CCL14: variants seen among roughly 807,000 people sequenced by gnomAD.
The protein encoded by CCL14 is C-C motif chemokine 14.
CCL14 carries 8 observed loss-of-function variants against 8.2 expected under a neutral mutation model. The ratio of observed to expected loss-of-function variants is 0.98; its 90% CI spans 0.57 to 1.76. The LOEUF is 1.76. CCL14 is among the 40% of genes most tolerant of loss of function. CCL14 has a pLI of 0.00. For missense variants in CCL14, 127 were observed against 118.3 expected (o/e 1.07, Z -0.34); for synonymous variants, 50 against 43.2 (o/e 1.16, Z -0.62).
rs1441754088 is a variant in CCL14 at position 35,985,751 on chromosome 17, C to T, written c.79+820G>A. On this transcript the variant is annotated intron_variant, in intron 1 of 2. Transcript: ENST00000618404. ...GCAAGTCAAACTGTGCACATACCCA[C>T]CAACTTTAGCTGTATTTTAACAACC... The T allele has an allele frequency of 1.3e-6, 2 of 1,551,398 alleles. No individual in the cohort carries two copies. Among genetic ancestry groups the T allele is most frequent in the African/African-American group, 2.7e-5 (2 of 73,044 alleles).
Position 35,984,356 on chromosome 17 carries a change from C to T in CCL14, c.176G>A (p.Cys59Tyr), listed in dbSNP as rs375335603. ...IMDYYETNSQ[C>Y]SKPGIVFITK... is the part of the protein sequence containing the mutation. ...CACCTACACAATTCCGGGCTTGGAGCACTGGCTGTTGGTCTCATAGTAATC... is the reference window on the plus strand; with the variant it reads ...CACCTACACAATTCCGGGCTTGGAGTACTGGCTGTTGGTCTCATAGTAATC... The change falls in exon 2 of 3, where the codon TGC (cysteine) becomes TAC (tyrosine). Residue 59 changes from cysteine to tyrosine, a missense_variant. Coordinates refer to ENST00000618404, the MANE Select transcript of CCL14 (RefSeq NM_032963.4). The T allele has an allele frequency of 2.0e-5, 32 of 1,613,106 alleles. No homozygotes were observed. The highest frequency in any genetic ancestry group is 2.5e-5 in the Non-Finnish European group (29 of 1,179,342).
intron 1 of CCL14, chr17:35,986,164 G>T (rs2089764450): frequency 5.4e-6 from 2 of 368,472 alleles, no homozygotes; most frequent in Non-Finnish European, 9.7e-6. Context: ...GAGGGCAAGG[G>T]GGGACTGGTC....
Position 35,986,693 on chromosome 17 carries a change from C to A in CCL14, c.-44G>T. On this transcript the variant is annotated 5_prime_UTR_variant, in exon 1 of 3. Coordinates refer to ENST00000618404, the MANE Select transcript of CCL14 (RefSeq NM_032963.4). ...GGGAGGAGAGCTGGCCTGGTGGGAGCTTCAGAGGCTCCTGCGGTGAGGAAT... is the reference window on the plus strand; with the variant it reads ...GGGAGGAGAGCTGGCCTGGTGGGAGATTCAGAGGCTCCTGCGGTGAGGAAT... 1.4e-6 allele frequency: 2 copies of A among 1,410,098 alleles called. No individual in the cohort carries two copies. Among genetic ancestry groups the A allele is most frequent in the Non-Finnish European group, 2.0e-6 (2 of 994,626 alleles). The allele number at this position is 1,410,098 out of a possible 1,614,324, so 87.3% of individuals were successfully genotyped here.
intron 1 of CCL14, chr17:35,986,059 T>G: frequency 2.0e-6 from 1 of 505,340 alleles, no homozygotes; most frequent in South Asian, 3.2e-5. Flanking sequence ...CCTGAGGAAA[T>G]ATACCCCAAA....
intron 1 of CCL14, chr17:35,984,740 C>T: frequency 1.8e-6 from 1 of 541,530 alleles, no homozygotes; most frequent in South Asian, 3.0e-5. Flanking sequence ...GCAGCACACT[C>T]AGATCTTCTT....
At chr17:35,984,312 C>A (rs768680560) in intron 2 of CCL14, 26 bp downstream of exon 2, 3 of 1,521,302 alleles carry the variant, frequency 2.0e-6, no homozygotes, top group African/African-American at 1.4e-5. Flanking sequence ...CCTCTCCCCC[C>A]AGTGTGATGT....
At position 35,984,424 on chromosome 17, in the gene CCL14, G is replaced by A. The variant is rs572762228; in HGVS notation, c.108C>T (p.Cys36=). The change falls in exon 2 of 3, where the codon TGC becomes TGT. Residue 36 remains cysteine, a synonymous_variant. Transcript: ENST00000618404. The part of the protein sequence containing the change: ...SRGPYHPSEC[C]FTYTTYKIPR... ...GGATCTTGTAGGTAGTGTAGGTGAAGCAGCACTCTGAGGGGTGGTAAGGTC... is the reference window on the plus strand; with the variant it reads ...GGATCTTGTAGGTAGTGTAGGTGAAACAGCACTCTGAGGGGTGGTAAGGTC... The A allele has an allele frequency of 1.2e-6, 2 of 1,613,312 alleles. No homozygotes were observed. Among genetic ancestry groups the A allele is most frequent in the African/African-American group, 2.7e-5 (2 of 74,978 alleles).
At chr17:35,985,683 C>T in intron 1 of CCL14, 1 of 1,410,106 alleles carries the variant, frequency 7.1e-7, no homozygotes, top group Non-Finnish European at 9.8e-7. Flanking sequence ...CTCCTATACT[C>T]TCCCACCTTG....
intron 1 of CCL14, 147 bp downstream of exon 1, chr17:35,986,424 T>C (rs1454859451): frequency 3.1e-6 from 2 of 648,364 alleles, no homozygotes; most frequent in South Asian, 1.9e-5. Context: ...AATTCATTTA[T>C]ATAATGTTGC....
chr17:35,984,585 A>G (rs767642183), intron 1 of CCL14, 133 bp from the exon 2 acceptor site: 28 of 652,332 alleles, frequency 4.3e-5, no homozygotes, highest in Non-Finnish European at 1.9e-5. Context: ...AGGGGAGAGT[A>G]GGCTTTCCTC....
At chr17:35,984,135 TC>T (rs779569191) in intron 2 of CCL14, among the ~76,000 whole-genome samples, 23 of 151,562 alleles carry the variant, frequency 1.5e-4, no homozygotes, top group Non-Finnish European at 2.7e-4. Context: ...CTCTGTCATC[TC>T]CCCATCCATG....
At chr17:35,984,933 C>G (rs1239681025) in intron 1 of CCL14, 1 of 211,546 alleles carries the variant, frequency 4.7e-6, no homozygotes, top group Non-Finnish European at 9.3e-6. Flanking sequence ...CTCCACCCTG[C>G]CCATGTCCCC....
rs960427631 is a variant in CCL14 at position 35,984,398 on chromosome 17, G to A, written c.134C>T (p.Pro45Leu). 27 of 1,613,752 alleles carry A rather than the reference G, an allele frequency of 1.7e-5. No homozygotes were observed. The highest frequency in any genetic ancestry group is 8.0e-5 in the African/African-American group (6 of 74,890). The part of the protein sequence containing the change: ...CCFTYTTYKI[P>L]RQRIMDYYET... ...ATAGTAATCCATAATCCGCTGACGC[G>A]GGATCTTGTAGGTAGTGTAGGTGAA... The change falls in exon 2 of 3, where the codon CCG (proline) becomes CTG (leucine). Residue 45 changes from proline (P) to leucine (L), a missense_variant. Physicochemically the swap from Pro to Leu is moderately conservative, Grantham distance 98. Coordinates refer to ENST00000618404, the MANE Select transcript of CCL14 (RefSeq NM_032963.4).
intron 1 of CCL14, chr17:35,984,662 C>A (rs763421716): frequency 5.1e-6 from 3 of 591,548 alleles, no homozygotes; most frequent in Non-Finnish European, 9.0e-6. Flanking sequence ...TCATCAATCA[C>A]CCTTCCTCCT....
chr17:35,985,365 A>C (rs931048432), intron 1 of CCL14: 4 of 232,348 alleles, frequency 1.7e-5, no homozygotes, highest in East Asian at 1.7e-4. Context: ...TTTATAGGAG[A>C]AGCAAGGTGA....
At chr17:35,984,231 C>G in intron 2 of CCL14, 107 bp downstream of exon 2, 1 of 829,768 alleles carries the variant, frequency 1.2e-6, no homozygotes, top group Non-Finnish European at 2.0e-6. Flanking sequence ...TGTAGTCACA[C>G]CTGGGAGGTA....
At chr17:35,984,236 G>T in intron 2 of CCL14, 102 bp downstream of exon 2, 1 of 852,906 alleles carries the variant, frequency 1.2e-6, no homozygotes, top group Non-Finnish European at 2.0e-6. Context: ...TCACACCTGG[G>T]AGGTACGCTG....
In CCL14 at chr17:35,986,677, G is replaced by C; in HGVS notation, c.-28C>G. The C allele has an allele frequency of 1.3e-6, 2 of 1,582,580 alleles. No individual in the cohort carries two copies. Among genetic ancestry groups the C allele is most frequent in the Non-Finnish European group, 1.7e-6 (2 of 1,151,674 alleles). On this transcript the variant is annotated 5_prime_UTR_variant, in exon 1 of 3. Coordinates refer to ENST00000618404, the MANE Select transcript of CCL14 (RefSeq NM_032963.4). Reference sequence around the variant, plus strand: ...TGTGGGAAGCTGTTGTGGGAGGAGAGCTGGCCTGGTGGGAGCTTCAGAGGC... The same window carrying C: ...TGTGGGAAGCTGTTGTGGGAGGAGACCTGGCCTGGTGGGAGCTTCAGAGGC...
chr17:35,984,706 G>A (rs766779146), intron 1 of CCL14: 16 of 563,288 alleles, frequency 2.8e-5, no homozygotes, highest in Admixed American at 6.2e-5. Context: ...ACTGGTGGAT[G>A]ACTTTCAACT....
Sources: gnomAD v4.1 joint callset for allele counts (sites outside exome capture counted in the v4.1 genomes callset) on GRCh38, gnomAD v4.1.1 for gene constraint, MANE v1.5 for transcripts, NCBI Gene and HGNC (gene_info 2026-07-23, HGNC 2026-07-21) for gene names.